PRRC2B: variants seen among roughly 807,000 people sequenced by gnomAD.
PRRC2B encodes protein PRRC2B.
Under a neutral mutation model 242.3 loss-of-function variants are expected in PRRC2B, and 68 were observed. The observed-to-expected ratio is 0.28, with a 90% CI of 0.23 to 0.34. The LOEUF is 0.34. Ranked by LOEUF, PRRC2B falls within the 10% of genes least tolerant of loss-of-function variation. PRRC2B has a pLI of 1.00. For missense variants in PRRC2B, 2,835 were observed against 2,954.8 expected, an observed-to-expected ratio of 0.96 and a Z score of 0.94; for synonymous variants, 1,228 against 1,173.6, an observed-to-expected ratio of 1.05 and a Z score of -0.95.
chr9:131,430,561 A>ATGTGTGTGTGTGTGTGTGTGTG (rs200517031), intron 2 of PRRC2B, among the ~76,000 whole-genome samples: 2 of 118,716 alleles, frequency 1.7e-5, no homozygotes, highest in Non-Finnish European at 1.7e-5. Context: ...GTGTGTGTGT[A>ATGTGTGTGTGTGTGTGTGTGTG]TGTGTGTGTG....
At position 131,420,453 on chromosome 9, in the gene PRRC2B, T is replaced by TTCTCTTTCTTTCTTTCTTTCTTTCTTTC. The variant is rs1554758580; in HGVS notation, c.-51-9640_-51-9639insCTCTTTCTTTCTTTCTTTCTTTCTTTCT. Among the ~76,000 whole-genome samples, 3 of 60,988 alleles carry TTCTCTTTCTTTCTTTCTTTCTTTCTTTC rather than the reference T, an allele frequency of 4.9e-5. No individual in the cohort carries two copies. The South Asian group carries it at 2.6e-3, about 52-fold the overall frequency. The allele number at this position is 60,988 out of a possible 152,430, so 40.0% of individuals were successfully genotyped here. The stretch of plus-strand genomic sequence containing the variant: ...TTTTCTTTTTTCTTTTTCTTTTTCT[T>TTCTCTTTCTTTCTTTCTTTCTTTCTTTC]TTTCTTTCTTTCTTTCTTTCTTTCT... On this transcript the variant is annotated intron_variant, in intron 1 of 31. Coordinates refer to ENST00000683519, the MANE Select transcript of PRRC2B (RefSeq NM_013318.4).
chr9:131,439,079 T>C lies in PRRC2B; in HGVS notation c.469+18T>C, dbSNP rs761111915. On this transcript the variant is annotated intron_variant, in intron 5 of 31. Coordinates refer to ENST00000683519, the MANE Select transcript of PRRC2B (RefSeq NM_013318.4). ...CGAAGGTGGTAAGTGCGCACGTGTG[T>C]GTGTTGTTTGGGGACGCTGGGGAGA... is the stretch of plus-strand genomic sequence containing the variant. The C allele has an allele frequency of 5.0e-6, 8 of 1,610,604 alleles. No individual in the cohort carries two copies. The African/African-American group carries it at 9.4e-5, about 19-fold the overall frequency.
rs774417690 is a variant in PRRC2B, at chr9:131,446,387, C to A, written c.614-14C>A. The A allele has an allele frequency of 1.5e-5, 25 of 1,613,346 alleles. No homozygotes were observed. In the South Asian group the frequency reaches 2.6e-4, roughly 17 times the overall value. On this transcript the variant is annotated splice_polypyrimidine_tract_variant and intron_variant, in intron 6 of 31. Transcript: ENST00000683519. The surrounding 1 kb of genome is among the most constrained non-coding windows in gnomAD (Gnocchi z 4.1). ...CCTCTTCCCTCTCCCCTTTTGCCCC[C>A]TTTCAATTTCCAGATGTGACAAGCT...
chr9:131,470,902 A>G lies in PRRC2B; in HGVS notation c.2026A>G (p.Met676Val). The stretch of plus-strand genomic sequence containing the variant: ...GTTGGGCTTCGATCCCAGGTGGATG[A>G]TGATGCCTTCCTACATGGACCCACG... ...QMLGFDPRWM[M>V]MPSYMDPRIT... The change falls in exon 14 of 32, where the codon ATG becomes GTG. Residue 676 changes from methionine (M) to valine (V), a missense_variant. Met to Val is a conservative substitution (Grantham distance 21). Transcript: ENST00000683519. 1 of 1,608,600 alleles carries G rather than the reference A, an allele frequency of 6.2e-7. No homozygotes were observed. The highest frequency in any genetic ancestry group is 1.1e-5 in the South Asian group (1 of 90,928).
At chr9:131,434,581 A>G (rs1370956296) in intron 3 of PRRC2B, among the ~76,000 whole-genome samples, 4 of 152,250 alleles carry the variant, frequency 2.6e-5, no homozygotes, top group African/African-American at 7.2e-5. Context: ...TCTTTTAGGT[A>G]GAAGGAGATG....
chr9:131,476,661 C>G, intron 16 of PRRC2B, 126 bp downstream of exon 16: 1 of 799,580 alleles, frequency 1.3e-6, no homozygotes, highest in Non-Finnish European at 1.9e-6. Context: ...GCCGTCTGTG[C>G]GCGTCTCCAT....
intron 1 of PRRC2B, among the ~76,000 whole-genome samples, chr9:131,420,459 T>TTCTTTCTTTCTCTCTTTCTC (rs1353632447): frequency 1.0e-4 from 1 of 9,534 alleles, no homozygotes; most frequent in Admixed American, 1.0e-3. Context: ...TTCTTTTTCT[T>TTCTTTCTTTCTCTCTTTCTC]TCTTTCTTTC....
chr9:131,495,799 C>CA lies in PRRC2B; in HGVS notation c.6615_6616insA (p.Ser2206IlefsTer23). Reference sequence around the variant, plus strand: ...GAGCCGTGAAGCTGCAGGAGGCCCCCTCGGCTGCCTCCCAGATGAAGCGAA... The same window carrying CA: ...GAGCCGTGAAGCTGCAGGAGGCCCCCATCGGCTGCCTCCCAGATGAAGCGAA... On this transcript the variant is annotated frameshift_variant, in exon 32 of 32. Transcript: ENST00000683519. LOFTEE classifies it high-confidence loss of function. 1 of 1,613,062 alleles carries CA rather than the reference C, an allele frequency of 6.2e-7. No homozygotes were observed. The highest frequency in any genetic ancestry group is 2.2e-5 in the East Asian group (1 of 44,852).
chr9:131,438,347 G>A (rs1297488526), intron 4 of PRRC2B, among the ~76,000 whole-genome samples: 1 of 152,108 alleles, frequency 6.6e-6, no homozygotes. Flanking sequence ...GAGCCTCAGT[G>A]GGGGATGTGA....
At chr9:131,468,536 C>G (rs961252430) in intron 13 of PRRC2B, among the ~76,000 whole-genome samples, 4 of 152,132 alleles carry the variant, frequency 2.6e-5, no homozygotes, top group African/African-American at 9.7e-5. Context: ...CCACCCATCT[C>G]TCCTAGTCCT....
chr9:131,466,140 G>C (rs755747678), intron 12 of PRRC2B, among the ~76,000 whole-genome samples: 1 of 152,218 alleles, frequency 6.6e-6, no homozygotes. Context: ...AATAAACTCA[G>C]ATCAGCTCTT....
intron 10 of PRRC2B, among the ~76,000 whole-genome samples, chr9:131,455,451 C>T (rs532300414): frequency 1.9e-4 from 28 of 151,218 alleles, no homozygotes; most frequent in African/African-American, 5.8e-4. Context: ...TTGTGGCTGT[C>T]GTGCCCAAAA....
chr9:131,428,219 C>T (rs955858716), intron 1 of PRRC2B, among the ~76,000 whole-genome samples: 1 of 151,922 alleles, frequency 6.6e-6, no homozygotes, highest in Non-Finnish European at 1.5e-5. Context: ...CGTGCCCGGC[C>T]TACAAGTTTT....
At chr9:131,422,673 C>G (rs1202811522) in intron 1 of PRRC2B, among the ~76,000 whole-genome samples, 1 of 152,214 alleles carries the variant, frequency 6.6e-6, no homozygotes, top group Non-Finnish European at 1.5e-5. Flanking sequence ...GATGTTCCCT[C>G]TGGTGGACAG....
At position 131,402,393 on chromosome 9, in the gene PRRC2B, G is replaced by T. The variant is rs116353269; in HGVS notation, c.-52+8130G>T. Among the ~76,000 whole-genome samples the T allele has an allele frequency of 2.3e-3, 350 of 152,282 alleles. 1 individual carries two copies. The highest frequency in any genetic ancestry group is 8.1e-3 in the African/African-American group (335 of 41,552). On this transcript the variant is annotated intron_variant, in intron 1 of 31. Coordinates refer to ENST00000683519, the MANE Select transcript of PRRC2B (RefSeq NM_013318.4). ...CTTATTTTTAGCATAGTATTTCCAA[G>T]GTTCATCCATGTTGCAGCATGTGTC...
intron 10 of PRRC2B, among the ~76,000 whole-genome samples, chr9:131,456,493 T>C (rs1002037097): frequency 6.6e-6 from 1 of 151,856 alleles, no homozygotes; most frequent in Non-Finnish European, 1.5e-5. Context: ...TAGCTGGGCA[T>C]GGTGGTAGGT....
In PRRC2B at chr9:131,476,443, A is replaced by G; in HGVS notation, c.4314A>G (p.Gly1438=). The G allele has an allele frequency of 6.2e-7, 1 of 1,613,054 alleles. No homozygotes were observed. ...VDRQSRKLEP[G]GFGEKPVRPG... The stretch of plus-strand genomic sequence containing the variant: ...GACAGAGCCGAAAGCTGGAGCCGGG[A>G]GGGTTTGGGGAGAAGCCCGTTAGGC... The change falls in exon 16 of 32, where the codon GGA becomes GGG. Residue 1438 remains glycine, a synonymous_variant. Transcript: ENST00000683519.
At position 131,474,734 on chromosome 9, in the gene PRRC2B, G is replaced by A; in HGVS notation, c.2605G>A (p.Gly869Ser). Residue 869 changes from glycine to serine, a missense_variant, in exon 16 of 32, where the codon GGC becomes AGC. Physicochemically the swap from Gly to Ser is moderately conservative, Grantham distance 56 (BLOSUM62 0). This residue lies in a region of PRRC2B where 1,536 missense variants were observed against 1,483.1 expected (regional missense o/e 1.04). Transcript: ENST00000683519. ...CCCAGATGAGAAAAAGCCAGAGTGT[G>A]GCAGTTGGGATGTTAGCCACCAGCC... ...FVPDEKKPEC[G>S]SWDVSHQPET... 1.2e-6 allele frequency: 2 copies of A among 1,612,394 alleles called. No homozygotes were observed. Among genetic ancestry groups the A allele is most frequent in the Middle Eastern group, 1.6e-4 (1 of 6,062 alleles).
chr9:131,459,457 ATTTC>A, intron 11 of PRRC2B, 101 bp downstream of exon 11: 1 of 1,008,576 alleles, frequency 9.9e-7, no homozygotes, highest in South Asian at 1.7e-5. Flanking sequence ...TCATTTTTAT[ATTTC>A]TTCTTTTGTT....
Sources: allele counts gnomAD v4.1 joint callset (sites outside exome capture counted in the v4.1 genomes callset), GRCh38; gene constraint gnomAD v4.1.1; regional missense constraint gnomAD v4.1.1; non-coding constraint Gnocchi (gnomAD v3.1); transcripts MANE v1.5; gene names NCBI Gene and HGNC (gene_info 2026-07-23, HGNC 2026-07-21).